The following DIAPH1 variants were observed in gnomAD, a reference collection of about 807,000 sequenced individuals.
DIAPH1 encodes protein diaphanous homolog 1.
A neutral mutation model predicts 140.7 loss-of-function variants in DIAPH1; 46 were observed. That is an observed-to-expected ratio of 0.33 (90% CI 0.26 to 0.42). The LOEUF (loss-of-function observed/expected upper bound fraction) is 0.42. Among genes scored for constraint, DIAPH1 ranks in the 10% least tolerant of loss-of-function variants. The pLI, the probability that DIAPH1 is intolerant of heterozygous loss-of-function variation, is 1.00. For missense variants in DIAPH1, 1,310 were observed against 1,558.7 expected, an observed-to-expected ratio of 0.84 and a Z score of 2.69; for synonymous variants, 565 against 551.6, an observed-to-expected ratio of 1.02 and a Z score of -0.34.
Position 141,573,943 on chromosome 5 carries a change from C to A in DIAPH1, c.1907G>T (p.Gly636Val). ...CISSPPSLPG[G>V]TAISPPPPLS... is the part of the protein sequence containing the mutation. Reference sequence around the variant, plus strand: ...AGGAGGGGGTGGAGAGATAGCAGTACCTCCAGGTAAAGAAGGGGGTGAGGA... The same window carrying A: ...AGGAGGGGGTGGAGAGATAGCAGTAACTCCAGGTAAAGAAGGGGGTGAGGA... The change falls in exon 16 of 28, where the codon GGT becomes GTT. Residue 636 changes from glycine (G) to valine (V), a missense_variant. Gly to Val is a moderately radical substitution (Grantham distance 109). This residue lies in a region of DIAPH1 where 589 missense variants were observed against 549.3 expected (regional missense o/e 1.07). Coordinates refer to ENST00000389054, the MANE Select transcript of DIAPH1 (RefSeq NM_005219.5). The A allele has an allele frequency of 8.4e-6, 13 of 1,550,386 alleles. No homozygotes were observed. Among genetic ancestry groups the A allele is most frequent in the Non-Finnish European group, 1.1e-5 (13 of 1,147,524 alleles).
intron 18 of DIAPH1, among the ~76,000 whole-genome samples, chr5:141,535,271 G>T (rs1318777464): frequency 6.6e-6 from 1 of 152,042 alleles, no homozygotes; most frequent in Non-Finnish European, 1.5e-5. Flanking sequence ...TCTTGAACAT[G>T]ACTTTCTCTA....
intron 19 of DIAPH1, 23 bp downstream of exon 19, chr5:141,534,312 A>T (rs1194738933): frequency 6.5e-7 from 1 of 1,538,348 alleles, no homozygotes; most frequent in South Asian, 1.1e-5. Context: ...CATTTTGAAT[A>T]GTTGGGACCA....
At chr5:141,582,787 T>C (rs2099896967) in intron 6 of DIAPH1, among the ~76,000 whole-genome samples, 3 of 152,170 alleles carry the variant, frequency 2.0e-5, no homozygotes, top group African/African-American at 7.2e-5. Flanking sequence ...TCAGGTTGGC[T>C]TCAAGGTAGC....
chr5:141,577,165 C>CTA (rs1164573647), intron 12 of DIAPH1, among the ~76,000 whole-genome samples: 2 of 152,158 alleles, frequency 1.3e-5, no homozygotes, highest in Non-Finnish European at 2.9e-5. Context: ...ATTGCTAAAT[C>CTA]TATACTTCCA....
At chr5:141,520,035 T>C (rs1273383133) in intron 27 of DIAPH1, among the ~76,000 whole-genome samples, 11 of 152,148 alleles carry the variant, frequency 7.2e-5, no homozygotes, top group Non-Finnish European at 1.5e-4. Context: ...AAATCAACCA[T>C]ATAACGCAAG....
At chr5:141,519,686 A>G (rs1266046510) in intron 27 of DIAPH1, among the ~76,000 whole-genome samples, 1 of 152,220 alleles carries the variant, frequency 6.6e-6, no homozygotes, top group Non-Finnish European at 1.5e-5. Flanking sequence ...TTCCCTTTTA[A>G]GCCTTGAAAG....
chr5:141,610,115 TAGTG>T (rs1181645017), intron 1 of DIAPH1, among the ~76,000 whole-genome samples: 17 of 152,204 alleles, frequency 1.1e-4, no homozygotes, highest in Admixed American at 3.3e-4. Flanking sequence ...CTGGGCAACA[TAGTG>T]AGACCCCATT....
chr5:141,544,490 C>A (rs187507457), intron 18 of DIAPH1, among the ~76,000 whole-genome samples: 10 of 152,016 alleles, frequency 6.6e-5, no homozygotes, highest in African/African-American at 2.4e-4. Context: ...AACTAGTATA[C>A]CCAACACAGA....
At chr5:141,544,642 A>G (rs1296068441) in intron 18 of DIAPH1, among the ~76,000 whole-genome samples, 1 of 152,214 alleles carries the variant, frequency 6.6e-6, no homozygotes, top group Non-Finnish European at 1.5e-5. Flanking sequence ...TAAGTCATGA[A>G]AACTATGTAC....
In DIAPH1 at chr5:141,516,683, T is replaced by A; in HGVS notation, c.*168A>T. 2.6e-6 allele frequency: 2 copies of A among 769,302 alleles called. No homozygotes were observed. Among genetic ancestry groups the A allele is most frequent in the Non-Finnish European group, 4.3e-6 (2 of 461,408 alleles). 47.7% of individuals were successfully genotyped at this position (769,302 alleles called of 1,614,324 possible). ...CCTTTCCTTCTGGCCTCCAGGCAGCTGAAGCTGTATGTGATGTTGAGAGAG... is the reference window on the plus strand; with the variant it reads ...CCTTTCCTTCTGGCCTCCAGGCAGCAGAAGCTGTATGTGATGTTGAGAGAG... On this transcript the variant is annotated 3_prime_UTR_variant, in exon 28 of 28. Transcript: ENST00000389054.
intron 18 of DIAPH1, among the ~76,000 whole-genome samples, chr5:141,546,955 T>C (rs2099890891): frequency 6.6e-6 from 1 of 152,230 alleles, no homozygotes; most frequent in Non-Finnish European, 1.5e-5. Context: ...TTATATGCAA[T>C]GCCTGGGCAT....
intron 18 of DIAPH1, among the ~76,000 whole-genome samples, chr5:141,561,536 A>G (rs972142333): frequency 6.6e-6 from 1 of 152,060 alleles, no homozygotes; most frequent in African/African-American, 2.4e-5. Flanking sequence ...ATCTTCTCCA[A>G]GCATGTCAGA....
At position 141,560,561 on chromosome 5, in the gene DIAPH1, CCT is replaced by C. The variant is rs372276870; in HGVS notation, c.2482+10865_2482+10866del. ...AATTGGAAATAATAGTTGATAATCC[CCT>C]GTCACAAATCTGACATTAAATAGGT... is the stretch of plus-strand genomic sequence containing the variant. On this transcript the variant is annotated intron_variant, in intron 18 of 27. Coordinates refer to ENST00000389054, the MANE Select transcript of DIAPH1 (RefSeq NM_005219.5). The C allele has an allele frequency of 7.2e-3, 1,185 of 164,364 alleles. 20 individuals are homozygous for C. Among genetic ancestry groups the C allele is most frequent in the African/African-American group, 0.027 (1,115 of 41,670 alleles). The allele number at this position is 164,364 out of a possible 1,614,324, so 10.2% of individuals were successfully genotyped here. A position where few individuals can be genotyped will look rare whatever the true frequency, so the allele number is the denominator to read the frequency against.
At chr5:141,592,418 T>C (rs1399400914) in intron 1 of DIAPH1, among the ~76,000 whole-genome samples, 1 of 152,200 alleles carries the variant, frequency 6.6e-6, no homozygotes, top group East Asian at 1.9e-4. Flanking sequence ...TCAGTAGTCA[T>C]TTTTTAATTG....
At position 141,618,827 on chromosome 5, in the gene DIAPH1, C is replaced by T. The variant is rs1034109754; in HGVS notation, c.88G>A (p.Gly30Ser). 3.9e-6 allele frequency: 6 copies of T among 1,550,038 alleles called. No individual in the cohort carries two copies. In the Admixed American group the frequency reaches 7.8e-5, roughly 20 times the overall value. ...TTCTTAGATTTGCCGCCGTCGCCGC[C>T]CGCCGAGGGCAGCTCATCTGGGCTC... ...GRSPDELPSA[G>S]GDGGKSKKFT... Residue 30 changes from glycine (G) to serine (S), a missense_variant, in exon 1 of 28, where the codon GGC (glycine) becomes AGC (serine). Physicochemically the swap from Gly to Ser is moderately conservative, Grantham distance 56. This residue lies in a region of DIAPH1 where 377 missense variants were observed against 497.1 expected (regional missense o/e 0.76). Transcript: ENST00000389054.
intron 18 of DIAPH1, among the ~76,000 whole-genome samples, chr5:141,541,697 AAAAGAAAGAAAAAGAAG>A (rs1562295368): frequency 6.6e-6 from 1 of 151,530 alleles, no homozygotes; most frequent in African/African-American, 2.4e-5. Flanking sequence ...AAAAAAAAAA[AAAAGAAAGAAAAAGAAG>A]AAAGAAAGAA....
intron 1 of DIAPH1, among the ~76,000 whole-genome samples, chr5:141,610,232 A>G (rs2099901600): frequency 6.6e-6 from 1 of 152,130 alleles, no homozygotes; most frequent in African/African-American, 2.4e-5. Flanking sequence ...CCTGGGTTCA[A>G]GCAATTCTCC....
chr5:141,578,040 C>T (rs2099896213), intron 11 of DIAPH1, 185 bp downstream of exon 11: 1 of 672,198 alleles, frequency 1.5e-6, no homozygotes, highest in East Asian at 2.7e-5. Context: ...TACTGACTTC[C>T]CTGATCTATG....
At chr5:141,525,662 G>T (rs1025464358) in intron 26 of DIAPH1, among the ~76,000 whole-genome samples, 1 of 152,144 alleles carries the variant, frequency 6.6e-6, no homozygotes, top group Non-Finnish European at 1.5e-5. Flanking sequence ...TTAAAAGATG[G>T]GAGGAGCGTC....
Sources: allele counts gnomAD v4.1 joint callset (sites outside exome capture counted in the v4.1 genomes callset), GRCh38; gene constraint gnomAD v4.1.1; regional missense constraint gnomAD v4.1.1; transcripts MANE v1.5; gene names NCBI Gene and HGNC (gene_info 2026-07-23, HGNC 2026-07-21).